NCKAP5: variants seen among roughly 807,000 people sequenced by gnomAD.
The protein encoded by NCKAP5 is NCK associated protein 5.
Under a neutral mutation model 167.0 loss-of-function variants are expected in NCKAP5, and 92 were observed. That is an observed-to-expected ratio of 0.55 (90% CI 0.47 to 0.66). The LOEUF (loss-of-function observed/expected upper bound fraction) is 0.66, where lower values mean the gene tolerates loss of function less well. NCKAP5 is among the 30% of genes least tolerant of loss of function. NCKAP5 has a pLI of 0.00. For synonymous variants in NCKAP5, 891 were observed against 877.4 expected (o/e 1.02, Z -0.27); for missense variants, 2,378 against 2,315.0 (o/e 1.03, Z -0.56).
intron 19 of NCKAP5, among the ~76,000 whole-genome samples, chr2:132,698,859 A>C (rs532348637): frequency 3.3e-5 from 5 of 151,696 alleles, no homozygotes; most frequent in Non-Finnish European, 5.9e-5. Flanking sequence ...AAACAAACAA[A>C]AAAAAAAGTG....
At chr2:132,758,317 G>C (rs1411437175) in intron 16 of NCKAP5, among the ~76,000 whole-genome samples, 4 of 152,218 alleles carry the variant, frequency 2.6e-5, no homozygotes, top group Non-Finnish European at 5.9e-5. Flanking sequence ...AATAGGGACA[G>C]TGACTTCCAA....
At chr2:133,169,677 C>A (rs1339883754) in intron 5 of NCKAP5, among the ~76,000 whole-genome samples, 1 of 152,152 alleles carries the variant, frequency 6.6e-6, no homozygotes, top group Non-Finnish European at 1.5e-5. Flanking sequence ...GTGTGTGCGG[C>A]GAGCCCACAC....
At chr2:133,365,833 A>C (rs939860131) in intron 3 of NCKAP5, among the ~76,000 whole-genome samples, 1 of 152,212 alleles carries the variant, frequency 6.6e-6, no homozygotes, top group Non-Finnish European at 1.5e-5. Flanking sequence ...ACTGTCTGAA[A>C]ACTATTCAAT....
chr2:133,581,042 T>C, the NCKAP5 span, among the ~76,000 whole-genome samples: 1 of 152,188 alleles, frequency 6.6e-6, no homozygotes, highest in Non-Finnish European at 1.5e-5. Context: ...AGGAAGAACT[T>C]AATGATATCT....
At chr2:132,727,382 A>G (rs1294863764) in intron 18 of NCKAP5, among the ~76,000 whole-genome samples, 2 of 152,208 alleles carry the variant, frequency 1.3e-5, no homozygotes, top group Non-Finnish European at 2.9e-5. Context: ...CAATCCTCCC[A>G]AAGCCAGCAC....
intron 6 of NCKAP5, among the ~76,000 whole-genome samples, chr2:133,087,072 T>C (rs2081017744): frequency 6.6e-6 from 1 of 152,220 alleles, no homozygotes; most frequent in African/African-American, 2.4e-5. Flanking sequence ...TTGAGATCTA[T>C]TAATCTCTGA....
chr2:133,491,397 G>C (rs1012515997), intron 3 of NCKAP5, among the ~76,000 whole-genome samples: 5 of 152,162 alleles, frequency 3.3e-5, no homozygotes, highest in Admixed American at 6.5e-5. Flanking sequence ...GTGGAGCAGA[G>C]AGGTTAAGAC....
intron 2 of NCKAP5, among the ~76,000 whole-genome samples, chr2:133,543,548 A>C (rs1400865272): frequency 6.6e-6 from 1 of 152,172 alleles, no homozygotes; most frequent in East Asian, 1.9e-4. Flanking sequence ...TTTCAGTCTG[A>C]TATTATCACT....
At chr2:132,948,696 A>G (rs947335916) in intron 8 of NCKAP5, among the ~76,000 whole-genome samples, 7 of 152,106 alleles carry the variant, frequency 4.6e-5, no homozygotes, top group Non-Finnish European at 1.0e-4. Context: ...GTACAGAAGG[A>G]AATCTTGGCC....
intron 8 of NCKAP5, among the ~76,000 whole-genome samples, chr2:132,915,044 C>CT (rs1694758127): frequency 1.3e-5 from 2 of 151,392 alleles, no homozygotes; most frequent in South Asian, 4.2e-4. Context: ...AATTAGGCCT[C>CT]TAAGTATTCA....
rs553026613 is a variant in NCKAP5 at position 133,383,415 on chromosome 2, T to C, written c.70-80305A>G. Reference sequence around the variant, plus strand: ...TGAACTCATCCTTTTTATGACTGCATAGTATTCCATGGTGTATATGTGCCA... The same window carrying C: ...TGAACTCATCCTTTTTATGACTGCACAGTATTCCATGGTGTATATGTGCCA... On this transcript the variant is annotated intron_variant, in intron 3 of 19. Coordinates refer to ENST00000409261, the MANE Select transcript of NCKAP5 (RefSeq NM_207363.3). Among the ~76,000 whole-genome samples, 13 of 152,338 alleles carry C rather than the reference T, an allele frequency of 8.5e-5. No homozygotes were observed. In the East Asian group the frequency reaches 2.5e-3, roughly 29 times the overall value.
chr2:133,193,630 T>G (rs1035300439), intron 5 of NCKAP5, among the ~76,000 whole-genome samples: 1 of 152,186 alleles, frequency 6.6e-6, no homozygotes, highest in African/African-American at 2.4e-5. Context: ...AAAGCAGCAG[T>G]TCAAATAAAC....
At chr2:132,898,112 T>C (rs1693346030) in intron 8 of NCKAP5, among the ~76,000 whole-genome samples, 1 of 152,244 alleles carries the variant, frequency 6.6e-6, no homozygotes, top group African/African-American at 2.4e-5. Context: ...ACCCTGCCAA[T>C]GCTTTATCAA....
At chr2:133,057,124 G>A (rs761323265) in intron 6 of NCKAP5, among the ~76,000 whole-genome samples, 1 of 152,134 alleles carries the variant, frequency 6.6e-6, no homozygotes, top group African/African-American at 2.4e-5. Context: ...ATATAAGACA[G>A]CTAATTTAAT....
intron 17 of NCKAP5, among the ~76,000 whole-genome samples, chr2:132,729,760 G>A (rs550185152): frequency 6.6e-6 from 1 of 152,282 alleles, no homozygotes; most frequent in East Asian, 1.9e-4. Context: ...GAGAATTGCT[G>A]TCATTATCCT....
chr2:132,779,221 T>C (rs1480180851), intron 15 of NCKAP5, among the ~76,000 whole-genome samples: 1 of 152,172 alleles, frequency 6.6e-6, no homozygotes, highest in African/African-American at 2.4e-5. Context: ...GCATGGCAAA[T>C]AACCTTAGCA....
chr2:132,786,838 G>A (rs1160205674), intron 13 of NCKAP5, among the ~76,000 whole-genome samples: 5 of 152,226 alleles, frequency 3.3e-5, no homozygotes, highest in African/African-American at 4.8e-5. Flanking sequence ...ATAGTACGTC[G>A]GTTTTGACTC....
chr2:133,405,321 T>A (rs1018700744), intron 3 of NCKAP5, among the ~76,000 whole-genome samples: 3 of 152,170 alleles, frequency 2.0e-5, no homozygotes, highest in Admixed American at 6.5e-5. Context: ...AAAGCTTATC[T>A]AATACACATA....
rs543426462 is a variant in NCKAP5, at chr2:132,860,493, T to C, written c.806A>G (p.Gln269Arg). The change falls in exon 11 of 20, where the codon CAG becomes CGG. Residue 269 changes from glutamine (Q) to arginine (R), a missense_variant and splice_region_variant. Gln to Arg is a conservative substitution (Grantham distance 43, BLOSUM62 1). Coordinates refer to ENST00000409261, the MANE Select transcript of NCKAP5 (RefSeq NM_207363.3). ...RVRPTSDLLL[Q>R]KLHSRLLDLS... ...ATTGTTTTCCAGATAAACACATACC[T>C]GGAGGAGCAGATCAGAAGTGGGTCT... is the stretch of plus-strand genomic sequence containing the variant. 1.2e-5 allele frequency: 19 copies of C among 1,569,454 alleles called. No homozygotes were observed. In the East Asian group the frequency reaches 3.7e-4, roughly 31 times the overall value.
Sources: allele counts gnomAD v4.1 joint callset (sites outside exome capture counted in the v4.1 genomes callset), GRCh38; gene constraint gnomAD v4.1.1; transcripts MANE v1.5; gene names NCBI Gene and HGNC (gene_info 2026-07-23, HGNC 2026-07-21).